The following RERE variants were observed in gnomAD, a reference collection of about 807,000 sequenced individuals.
The protein encoded by RERE is arginine-glutamic acid dipeptide repeats.
Under a neutral mutation model 146.1 loss-of-function variants are expected in RERE, and 40 were observed. The ratio of observed to expected loss-of-function variants is 0.27; its 90% confidence interval spans 0.21 to 0.36. The LOEUF (loss-of-function observed/expected upper bound fraction) is 0.36, where lower values mean the gene tolerates loss of function less well. RERE is among the 10% of genes least tolerant of loss of function. The pLI, the probability that RERE is intolerant of heterozygous loss-of-function variation, is 1.00. For synonymous variants in RERE, 1,003 were observed against 866.0 expected, an observed-to-expected ratio of 1.16 and a Z score of -2.78; for missense variants, 1,933 against 2,138.7, an observed-to-expected ratio of 0.90 and a Z score of 1.90.
At chr1:8,487,564 C>T (rs1270476717) in intron 10 of RERE, among the ~76,000 whole-genome samples, 1 of 151,974 alleles carries the variant, frequency 6.6e-6, no homozygotes, top group African/African-American at 2.4e-5. Context: ...GGCAATAGAC[C>T]CTTTCTCAAA....
intron 12 of RERE, among the ~76,000 whole-genome samples, chr1:8,390,773 A>ACTT (rs1642859472): frequency 6.6e-6 from 1 of 152,138 alleles, no homozygotes; most frequent in East Asian, 1.9e-4. Flanking sequence ...CCTGATCTTC[A>ACTT]CTTCTCCCTC....
chr1:8,740,012 T>C (rs1640277083), intron 1 of RERE, among the ~76,000 whole-genome samples: 1 of 152,114 alleles, frequency 6.6e-6, no homozygotes, highest in Admixed American at 6.5e-5. Flanking sequence ...TATTGCCATA[T>C]CCACTTTTTG....
intron 6 of RERE, 45 bp from the exon 7 acceptor site, chr1:8,541,363 T>C: frequency 8.1e-7 from 1 of 1,241,904 alleles, no homozygotes; most frequent in Non-Finnish European, 1.2e-6. Context: ...CTCAACTGCT[T>C]TTGCTAACCA....
chr1:8,708,217 T>A (rs947387131), intron 1 of RERE, among the ~76,000 whole-genome samples: 1 of 152,224 alleles, frequency 6.6e-6, no homozygotes, highest in Non-Finnish European at 1.5e-5. Context: ...AGGACCCGGT[T>A]GGAGATAACT....
chr1:8,759,852 C>CACACACACAT (rs1553146173), intron 1 of RERE, among the ~76,000 whole-genome samples: 4 of 151,428 alleles, frequency 2.6e-5, no homozygotes, highest in African/African-American at 7.3e-5. Context: ...CACACACACA[C>CACACACACAT]ACACACACAC....
chr1:8,771,998 GA>G, intron 1 of RERE, among the ~76,000 whole-genome samples: 1 of 151,800 alleles, frequency 6.6e-6, no homozygotes, highest in Non-Finnish European at 1.5e-5. Flanking sequence ...CGCTGTTTAG[GA>G]AAACATATAA....
chr1:8,465,802 G>A (rs192038208), intron 11 of RERE, 123 bp downstream of exon 11: 3 of 787,536 alleles, frequency 3.8e-6, no homozygotes. Context: ...GCCTGGCGCT[G>A]CCACGGACAG....
At chr1:8,540,118 G>T (rs192875352) in intron 7 of RERE, among the ~76,000 whole-genome samples, 58 of 152,064 alleles carry the variant, frequency 3.8e-4, no homozygotes, top group Non-Finnish European at 7.1e-4. Context: ...TTAAAAGACA[G>T]GGTGTCCCTC....
rs573135224 is a variant in RERE at position 8,516,227 on chromosome 1, G to GGAAAAAAAAAA, written c.831-7553_831-7552insTTTTTTTTTTC. 2.1e-4 allele frequency among the ~76,000 whole-genome samples: 11 copies of GGAAAAAAAAAA among 52,308 alleles called. 2 individuals are homozygous for GGAAAAAAAAAA. The highest frequency in any genetic ancestry group is 9.5e-4 in the African/African-American group (11 of 11,628). The allele number at this position is 52,308 out of a possible 152,430, so 34.3% of individuals were successfully genotyped here. A position where few individuals can be genotyped will look rare whatever the true frequency, so the allele number is the denominator to read the frequency against. ...GGGACGGAGCAAGACTCTCTCAGAG[G>GGAAAAAAAAAA]AAAAAAAAAAAAAAAAAAAAAATCT... On this transcript the variant is annotated intron_variant, in intron 7 of 22. Transcript: ENST00000400908.
At chr1:8,747,833 A>T (rs1030725410) in intron 1 of RERE, among the ~76,000 whole-genome samples, 1 of 152,096 alleles carries the variant, frequency 6.6e-6, no homozygotes, top group Non-Finnish European at 1.5e-5. Context: ...GTACAATGGC[A>T]CAATCTCAGC....
intron 11 of RERE, among the ~76,000 whole-genome samples, chr1:8,463,340 C>T (rs1268551001): frequency 6.6e-6 from 1 of 151,778 alleles, no homozygotes; most frequent in Non-Finnish European, 1.5e-5. Context: ...ATAAAAATGA[C>T]CCCAAACGGA....
chr1:8,799,509 G>A, intron 1 of RERE: 1 of 189,628 alleles, frequency 5.3e-6, no homozygotes, highest in Admixed American at 4.8e-5. Context: ...GGTTTTAGAT[G>A]TTTCATTTAG....
chr1:8,799,144 C>T (rs1275849944), intron 1 of RERE, among the ~76,000 whole-genome samples: 2 of 151,596 alleles, frequency 1.3e-5, no homozygotes, highest in African/African-American at 2.4e-5. Context: ...CAGGAACCCG[C>T]CACCACGTCC....
In RERE at chr1:8,361,269, C is replaced by T. The variant is rs776072380; in HGVS notation, c.2238G>A (p.Gly746=). 3 of 1,589,824 alleles carry T rather than the reference C, an allele frequency of 1.9e-6. No individual in the cohort carries two copies. Among genetic ancestry groups the T allele is most frequent in the East Asian group, 4.5e-5 (2 of 44,734 alleles). The change falls in exon 18 of 23, where the codon GGG becomes GGA. Residue 746 remains glycine, a synonymous_variant. Transcript: ENST00000400908. ...AQPPALQAPT[G]VTPAPSSAPP... is the part of the protein sequence containing the mutation. ...GAGCTGAGGAGGGAGCTGGGGTGACCCCAGTGGGAGCCTGCAAGGCTGGGG... is the reference window on the plus strand; with the variant it reads ...GAGCTGAGGAGGGAGCTGGGGTGACTCCAGTGGGAGCCTGCAAGGCTGGGG...
chr1:8,698,038 G>A (rs1639372165), intron 1 of RERE, among the ~76,000 whole-genome samples: 1 of 152,100 alleles, frequency 6.6e-6, no homozygotes, highest in Non-Finnish European at 1.5e-5. Context: ...AGTTTATTAA[G>A]AAAGCAAAGG....
chr1:8,568,739 A>G (rs890339858), intron 4 of RERE, among the ~76,000 whole-genome samples: 1 of 152,184 alleles, frequency 6.6e-6, no homozygotes, highest in African/African-American at 2.4e-5. Flanking sequence ...AGTCTCAGGT[A>G]TTCAGAAAAA....
chr1:8,694,233 A>G (rs1639271955), intron 1 of RERE, among the ~76,000 whole-genome samples: 1 of 152,194 alleles, frequency 6.6e-6, no homozygotes, highest in South Asian at 2.1e-4. Context: ...AAAACCCTGA[A>G]GACGCCATCA....
chr1:8,364,133 T>C lies in RERE; in HGVS notation c.1663A>G (p.Met555Val), dbSNP rs1315202200. 1 of 1,614,034 alleles carries C rather than the reference T, an allele frequency of 6.2e-7. No individual in the cohort carries two copies. The highest frequency in any genetic ancestry group is 8.5e-7 in the Non-Finnish European group (1 of 1,180,032). ...TCCTCTTCCTTGACGGGTTTGAACA[T>C]AAACGGTGGCGGGTCCACGGGCTTC... ...IEKPVDPPPF[M>V]FKPVKEEDDG... The change falls in exon 15 of 23, where the codon ATG (methionine) becomes GTG (valine). Residue 555 changes from methionine (M) to valine (V), a missense_variant. By Grantham distance (21) the Met-to-Val change is conservative. Transcript: ENST00000400908. This position sits in a 1 kb window ranked among gnomAD's most constrained non-coding sequence, Gnocchi z 5.1.
intron 4 of RERE, among the ~76,000 whole-genome samples, chr1:8,597,942 A>C (rs1218777292): frequency 2.0e-5 from 3 of 152,188 alleles, no homozygotes; most frequent in Non-Finnish European, 4.4e-5. Context: ...ATCCAAGCAG[A>C]AAATAAGACC....
Sources: gnomAD v4.1 joint callset for allele counts (sites outside exome capture counted in the v4.1 genomes callset) on GRCh38, gnomAD v4.1.1 for gene constraint, Gnocchi (gnomAD v3.1) non-coding constraint, MANE v1.5 for transcripts, NCBI Gene and HGNC (gene_info 2026-07-23, HGNC 2026-07-21) for gene names.